The following HHIPL1 variants were observed in gnomAD, a reference collection of about 807,000 sequenced individuals.
The protein encoded by HHIPL1 is HHIP-like protein 1.
A neutral mutation model predicts 61.8 loss-of-function variants in HHIPL1; 43 were observed. The observed-to-expected ratio is 0.70, with a 90% CI of 0.55 to 0.90. HHIPL1 has a LOEUF of 0.90. HHIPL1 is among the 40% of genes least tolerant of loss of function. The probability of loss-of-function intolerance (pLI) is 0.00; values close to 1 mark genes in which losing one functional copy is unlikely to be tolerated. For synonymous variants in HHIPL1, 482 were observed against 515.8 expected (o/e 0.93, Z 0.89); for missense variants, 1,056 against 1,157.7 (o/e 0.91, Z 1.28).
intron 1 of HHIPL1, among the ~76,000 whole-genome samples, chr14:99,648,749 G>A (rs939011089): frequency 6.6e-6 from 1 of 152,218 alleles, no homozygotes; most frequent in African/African-American, 2.4e-5. Flanking sequence ...CCTTTGAGTA[G>A]GCCTTGAGTC....
the HHIPL1 span, among the ~76,000 whole-genome samples, chr14:99,609,749 G>A: frequency 5.4e-3 from 824 of 152,212 alleles, 10 homozygotes; most frequent in Middle Eastern, 0.065. Flanking sequence ...CTGGAGCTCA[G>A]GAAGTCCGCA....
In HHIPL1 at chr14:99,668,848, G is replaced by T. The variant is rs750407693; in HGVS notation, c.1730+545G>T. The T allele has an allele frequency of 7.8e-5, 126 of 1,613,732 alleles. No individual in the cohort carries two copies. Among genetic ancestry groups the T allele is most frequent in the Non-Finnish European group, 1.0e-4 (118 of 1,180,024 alleles). On this transcript the variant is annotated intron_variant, in intron 7 of 8. Transcript: ENST00000330710. The surrounding 1 kb of genome is among the most constrained non-coding windows in gnomAD (Gnocchi z 4.7). ...CCCTTCTAGCTGTAAGGCCAGAAGC[G>T]CCATGCCCGGCTATGTCCCAGCTCC...
At chr14:99,619,413 G>T in the HHIPL1 span, among the ~76,000 whole-genome samples, 15 of 149,090 alleles carry the variant, frequency 1.0e-4, no homozygotes, top group South Asian at 3.0e-3. Context: ...AGTGGGCCGA[G>T]ATCGCACTGT....
At chr14:99,640,293 ATTTATT>A, upstream of HHIPL1, among the ~76,000 whole-genome samples, 1 of 152,070 alleles carries the variant, frequency 6.6e-6, no homozygotes, top group Non-Finnish European at 1.5e-5. Context: ...ATTTTTATTT[ATTTATT>A]TTTGAGATAG....
rs1170392229 is a variant in HHIPL1, at chr14:99,675,570, T to G, written c.2293T>G (p.Cys765Gly). ...CQHNGVGTHNCEHDEDAGVVC... is the reference protein window; with the variant it reads ...CQHNGVGTHNGEHDEDAGVVC... ...GCACAACGGCGTGGGCACCCACAAC[T>G]GCGAGCACGACGAGGATGCGGGCGT... is the stretch of plus-strand genomic sequence containing the variant. The change falls in exon 9 of 9, where the codon TGC becomes GGC. Residue 765 changes from cysteine (C) to glycine (G), a missense_variant. Transcript: ENST00000330710. This position sits in a 1 kb window ranked among gnomAD's most constrained non-coding sequence, Gnocchi z 5.4. The G allele has an allele frequency of 2.0e-6, 3 of 1,536,780 alleles. No homozygotes were observed. In the East Asian group the frequency reaches 7.4e-5, roughly 38 times the overall value.
chr14:99,618,927 G>A, the HHIPL1 span, among the ~76,000 whole-genome samples: 2 of 152,226 alleles, frequency 1.3e-5, no homozygotes, highest in Admixed American at 6.5e-5. Context: ...GAGGAGCATG[G>A]AGAAGCCCTG....
chr14:99,605,940 C>T, the HHIPL1 span, among the ~76,000 whole-genome samples: 1 of 152,114 alleles, frequency 6.6e-6, no homozygotes, highest in Non-Finnish European at 1.5e-5. Context: ...TCAGAGGGGC[C>T]AGATCATGTA....
chr14:99,637,224 G>GAAAT, the HHIPL1 span, among the ~76,000 whole-genome samples: 1 of 135,944 alleles, frequency 7.4e-6, no homozygotes, highest in Non-Finnish European at 1.6e-5. Flanking sequence ...AAGAAAGAAA[G>GAAAT]AAAGAAAGAA....
At chr14:99,632,013 G>A in the HHIPL1 span, among the ~76,000 whole-genome samples, 10 of 152,302 alleles carry the variant, frequency 6.6e-5, no homozygotes, top group South Asian at 2.1e-4. Flanking sequence ...AGCGAGGCTG[G>A]GAGTGGACAT....
Position 99,645,239 on chromosome 14 carries a change from C to T in HHIPL1, c.32C>T (p.Ala11Val). 5 of 1,352,146 alleles carry T rather than the reference C, an allele frequency of 3.7e-6. No homozygotes were observed. Among genetic ancestry groups the T allele is most frequent in the Non-Finnish European group, 4.7e-6 (5 of 1,055,872 alleles). 83.8% of individuals were successfully genotyped at this position (1,352,146 alleles called of 1,614,324 possible). A position where few individuals can be genotyped will look rare whatever the true frequency, so the allele number is the denominator to read the frequency against. Reference protein sequence around the residue: MARARAGALLALWVLGAAAHP... With the variant: MARARAGALLVLWVLGAAAHP... ...CGGGCCAGGGCCGGGGCGCTGCTGG[C>T]GCTTTGGGTGCTCGGGGCCGCCGCG... The change falls in exon 1 of 9, where the codon GCG (alanine) becomes GTG (valine). Residue 11 changes from alanine to valine, a missense_variant. Physicochemically the swap from Ala to Val is moderately conservative, Grantham distance 64. Transcript: ENST00000330710.
chr14:99,662,813 T>TGGTG, intron 5 of HHIPL1, 63 bp from the exon 6 acceptor site: 1 of 1,436,598 alleles, frequency 7.0e-7, no homozygotes, highest in Non-Finnish European at 9.4e-7. Context: ...ATGGATGGAT[T>TGGTG]GGTGGGTAGG....
At chr14:99,640,692 A>G (rs2055738863), upstream of HHIPL1, among the ~76,000 whole-genome samples, 1 of 152,078 alleles carries the variant, frequency 6.6e-6, no homozygotes, top group Non-Finnish European at 1.5e-5. Flanking sequence ...TCTACCTTCA[A>G]ATAACACTAT....
At chr14:99,634,123 G>A in the HHIPL1 span, among the ~76,000 whole-genome samples, 3 of 152,206 alleles carry the variant, frequency 2.0e-5, no homozygotes, top group African/African-American at 2.4e-5. Flanking sequence ...TCTCCCAGCC[G>A]AGGTCCCCCT....
the HHIPL1 span, among the ~76,000 whole-genome samples, chr14:99,605,624 G>A: frequency 6.6e-6 from 1 of 152,276 alleles, no homozygotes; most frequent in Non-Finnish European, 1.5e-5. Context: ...CTGGGAGCAG[G>A]ATGGGGAGAA....
chr14:99,619,015 G>T, the HHIPL1 span, among the ~76,000 whole-genome samples: 1 of 152,146 alleles, frequency 6.6e-6, no homozygotes, highest in East Asian at 1.9e-4. Context: ...CCTGGGGACT[G>T]GGGAGGGTGA....
At chr14:99,636,110 G>C in the HHIPL1 span, among the ~76,000 whole-genome samples, 3 of 152,138 alleles carry the variant, frequency 2.0e-5, no homozygotes, top group African/African-American at 7.2e-5. Flanking sequence ...ATGACTAGCT[G>C]TTGTCACCTC....
chr14:99,611,383 T>C, the HHIPL1 span, among the ~76,000 whole-genome samples: 1 of 149,926 alleles, frequency 6.7e-6, no homozygotes, highest in Non-Finnish European at 1.5e-5. Context: ...AACCTCCACC[T>C]CCTGGGTTCA....
At chr14:99,644,935 G>C (rs1319524826), upstream of HHIPL1, among the ~76,000 whole-genome samples, 1 of 152,184 alleles carries the variant, frequency 6.6e-6, no homozygotes, top group Non-Finnish European at 1.5e-5. Flanking sequence ...GCGGAACCGG[G>C]AAAACACACC....
Position 99,645,257 on chromosome 14 carries a change from C to T in HHIPL1, c.50C>T (p.Ala17Val), listed in dbSNP as rs1241679679. ...CTGCTGGCGCTTTGGGTGCTCGGGGCCGCCGCGCATCCGCAGTGCCTGGAC... is the reference window on the plus strand; with the variant it reads ...CTGCTGGCGCTTTGGGTGCTCGGGGTCGCCGCGCATCCGCAGTGCCTGGAC... The part of the protein sequence containing the change: ...GALLALWVLG[A>V]AAHPQCLDFR... Residue 17 changes from alanine (A) to valine (V), a missense_variant, in exon 1 of 9, where the codon GCC (alanine) becomes GTC (valine). Physicochemically the swap from Ala to Val is moderately conservative, Grantham distance 64. Transcript: ENST00000330710. 4.3e-6 allele frequency: 6 copies of T among 1,394,548 alleles called. No individual in the cohort carries two copies. The African/African-American group carries it at 6.0e-5, about 14-fold the overall frequency. 86.4% of individuals were successfully genotyped at this position (1,394,548 alleles called of 1,614,324 possible). A position where few individuals can be genotyped will look rare whatever the true frequency, so the allele number is the denominator to read the frequency against.
Sources: gnomAD v4.1 joint callset for allele counts (sites outside exome capture counted in the v4.1 genomes callset) on GRCh38, gnomAD v4.1.1 for gene constraint, Gnocchi (gnomAD v3.1) non-coding constraint, MANE v1.5 for transcripts, NCBI Gene and HGNC (gene_info 2026-07-23, HGNC 2026-07-21) for gene names.